Variants in CAMTA1 observed in about 807,000 individuals in gnomAD.
The protein encoded by CAMTA1 is calmodulin binding transcription activator 1.
CAMTA1 carries 27 observed loss-of-function variants against 170.9 expected under a neutral mutation model. That is an observed-to-expected ratio of 0.16 (90% confidence interval 0.12 to 0.22). CAMTA1 has a LOEUF of 0.22. CAMTA1 is among the 10% of genes least tolerant of loss of function. The probability of loss-of-function intolerance (pLI) is 1.00; values close to 1 mark genes in which losing one functional copy is unlikely to be tolerated. For missense variants in CAMTA1, 1,619 were observed against 2,217.2 expected (o/e 0.73, Z 5.42); for synonymous variants, 833 against 891.5 (o/e 0.93, Z 1.17).
intron 4 of CAMTA1, among the ~76,000 whole-genome samples, chr1:7,160,488 C>T (rs1390670017): frequency 3.3e-5 from 5 of 151,716 alleles, no homozygotes; most frequent in Non-Finnish European, 5.9e-5. Context: ...TTTCTTGAAA[C>T]AGACTCTTCC....
At chr1:7,196,395 A>G (rs1322745718) in intron 4 of CAMTA1, among the ~76,000 whole-genome samples, 1 of 152,202 alleles carries the variant, frequency 6.6e-6, no homozygotes, top group Non-Finnish European at 1.5e-5. Context: ...AGACTAATAC[A>G]GTATGTGTGA....
intron 5 of CAMTA1, among the ~76,000 whole-genome samples, chr1:7,386,191 A>G (rs2087959677): frequency 6.6e-6 from 1 of 152,220 alleles, no homozygotes; most frequent in African/African-American, 2.4e-5. Flanking sequence ...CATCTGGGAC[A>G]AGTTTGTACT....
intron 5 of CAMTA1, among the ~76,000 whole-genome samples, chr1:7,291,742 G>A (rs1673168867): frequency 6.6e-6 from 1 of 152,376 alleles, no homozygotes. Flanking sequence ...TGGGCAGCCA[G>A]CCTGGCTCCA....
chr1:7,117,520 G>C (rs1164799250), intron 4 of CAMTA1, among the ~76,000 whole-genome samples: 3 of 152,042 alleles, frequency 2.0e-5, no homozygotes, highest in African/African-American at 7.2e-5. Flanking sequence ...TTTCCATGGG[G>C]TAACCACTCC....
intron 6 of CAMTA1, among the ~76,000 whole-genome samples, chr1:7,569,303 TCAA>T (rs1381788990): frequency 5.5e-5 from 8 of 145,100 alleles, no homozygotes; most frequent in Non-Finnish European, 9.0e-5. Context: ...CCAACCATCA[TCAA>T]CATCACCATC....
rs143700608 is a variant in CAMTA1 at position 7,664,240 on chromosome 1, G to C, written c.1693G>C (p.Gly565Arg). 1.9e-6 allele frequency: 3 copies of C among 1,612,530 alleles called. No individual in the cohort carries two copies. The highest frequency in any genetic ancestry group is 2.5e-6 in the Non-Finnish European group (3 of 1,179,974). ...AGCCAGCTCCCTCACCCTGACCGCC[G>C]GCTCCAGCCTCCTGCCGTCGGGCGG... ...VAASSLTLTA[G>R]SSLLPSGGGL... Residue 565 changes from glycine to arginine, a missense_variant, in exon 9 of 23, where the codon GGC (glycine) becomes CGC (arginine). Physicochemically the swap from Gly to Arg is moderately radical, Grantham distance 125 (BLOSUM62 -2). This residue lies in a region of CAMTA1 where 731 missense variants were observed against 907.6 expected (regional missense o/e 0.81). Coordinates refer to ENST00000303635, the MANE Select transcript of CAMTA1 (RefSeq NM_015215.4).
intron 4 of CAMTA1, among the ~76,000 whole-genome samples, chr1:7,130,347 T>A (rs1331737544): frequency 6.6e-6 from 1 of 152,240 alleles, no homozygotes; most frequent in Non-Finnish European, 1.5e-5. Flanking sequence ...TTTATAGATA[T>A]GCCACATTTT....
chr1:7,097,213 G>A (rs1378173369), intron 4 of CAMTA1, among the ~76,000 whole-genome samples: 1 of 152,220 alleles, frequency 6.6e-6, no homozygotes. Flanking sequence ...CCCCAGTGGG[G>A]TGGCGGGTTC....
At chr1:7,338,231 A>G (rs975883070) in intron 5 of CAMTA1, among the ~76,000 whole-genome samples, 1 of 152,152 alleles carries the variant, frequency 6.6e-6, no homozygotes, top group Non-Finnish European at 1.5e-5. Flanking sequence ...GGTCCCAGAA[A>G]GAAGGATGCA....
chr1:6,786,718 A>C (rs1434423576), intron 1 of CAMTA1, among the ~76,000 whole-genome samples: 2 of 151,676 alleles, frequency 1.3e-5, no homozygotes, highest in African/African-American at 2.4e-5. Context: ...CTGGACGTTC[A>C]CCGTGCTCCT....
chr1:7,707,946 C>T lies in CAMTA1; in HGVS notation c.2915-24502C>T, dbSNP rs959143532. Among the ~76,000 whole-genome samples the T allele has an allele frequency of 3.3e-5, 5 of 152,142 alleles. No individual in the cohort carries two copies. The South Asian group carries it at 1.0e-3, about 31-fold the overall frequency. On this transcript the variant is annotated intron_variant, in intron 11 of 22. Coordinates refer to ENST00000303635, the MANE Select transcript of CAMTA1 (RefSeq NM_015215.4). ...ACATGACAGGCAGACAAGGAGATGC[C>T]GTCGCCATCAGGAGATAGTTACTCT...
At chr1:7,639,912 C>T (rs1342887481) in intron 6 of CAMTA1, among the ~76,000 whole-genome samples, 1 of 152,136 alleles carries the variant, frequency 6.6e-6, no homozygotes, top group Non-Finnish European at 1.5e-5. Context: ...AAGCGGGTGA[C>T]CATGCCTGTG....
chr1:7,566,963 C>A (rs1244431621), intron 6 of CAMTA1, among the ~76,000 whole-genome samples: 1 of 152,154 alleles, frequency 6.6e-6, no homozygotes, highest in Admixed American at 6.5e-5. Context: ...AACAAGTGAG[C>A]GTAGCAGATC....
At chr1:7,530,809 C>CTTT (rs1553193458) in intron 6 of CAMTA1, among the ~76,000 whole-genome samples, 5 of 106,268 alleles carry the variant, frequency 4.7e-5, no homozygotes, top group African/African-American at 7.5e-5. Context: ...ACTGTGAGCT[C>CTTT]TTGTTTTTTT....
intron 3 of CAMTA1, among the ~76,000 whole-genome samples, chr1:6,937,620 A>G (rs1200165902): frequency 1.1e-4 from 16 of 148,674 alleles, no homozygotes; most frequent in Non-Finnish European, 1.8e-4. Flanking sequence ...CATCACTATC[A>G]CCATCACCAT....
intron 3 of CAMTA1, among the ~76,000 whole-genome samples, chr1:6,852,518 C>T (rs370645229): frequency 1.3e-5 from 2 of 152,224 alleles, no homozygotes; most frequent in East Asian, 1.9e-4. Context: ...ATAACCCCCT[C>T]CTCAGATTCA....
chr1:6,899,546 G>T lies in CAMTA1; in HGVS notation c.234+74336G>T, dbSNP rs1450633351. Among the ~76,000 whole-genome samples, 14 of 99,312 alleles carry T rather than the reference G, an allele frequency of 1.4e-4. 1 individual carries two copies. Among genetic ancestry groups the T allele is most frequent in the African/African-American group, 4.3e-4 (12 of 27,776 alleles). 65.2% of individuals were successfully genotyped at this position (99,312 alleles called of 152,430 possible). ...AAAATTATATGTGTATAACGCGCAC[G>T]CGCGCGCGCACACACACACACACAC... On this transcript the variant is annotated intron_variant, in intron 3 of 22. Transcript: ENST00000303635.
At position 7,062,732 on chromosome 1, in the gene CAMTA1, A is replaced by G. The variant is rs114273464; in HGVS notation, c.235-28572A>G. On this transcript the variant is annotated intron_variant, in intron 3 of 22. Transcript: ENST00000303635. Reference sequence around the variant, plus strand: ...ACCCAACAGAAATGCACCCTCTCATAGTTCCCGAGGCCCGACCTCCAAGTC... The same window carrying G: ...ACCCAACAGAAATGCACCCTCTCATGGTTCCCGAGGCCCGACCTCCAAGTC... Among the ~76,000 whole-genome samples, 913 of 152,316 alleles carry G rather than the reference A, an allele frequency of 6.0e-3. 10 individuals carry two copies. The highest frequency in any genetic ancestry group is 0.021 in the African/African-American group (860 of 41,562).
intron 3 of CAMTA1, among the ~76,000 whole-genome samples, chr1:6,831,577 A>C (rs903350587): frequency 1.3e-5 from 2 of 152,256 alleles, no homozygotes; most frequent in African/African-American, 4.8e-5. Flanking sequence ...CATTCTTCCA[A>C]AGCCAAACTA....
Sources: gnomAD v4.1 joint callset for allele counts (sites outside exome capture counted in the v4.1 genomes callset) on GRCh38, gnomAD v4.1.1 for gene constraint, gnomAD v4.1.1 regional missense constraint, MANE v1.5 for transcripts, NCBI Gene and HGNC (gene_info 2026-07-23, HGNC 2026-07-21) for gene names.